The following RPS6KA2 variants were observed in gnomAD, a reference collection of about 807,000 sequenced individuals.
RPS6KA2 encodes ribosomal protein S6 kinase alpha-2.
In RPS6KA2, 42 loss-of-function variants were observed where a neutral mutation model predicts 91.8. The ratio of observed to expected loss-of-function variants is 0.46; its 90% confidence interval spans 0.36 to 0.59. RPS6KA2 has a LOEUF of 0.59. Ranked by LOEUF, RPS6KA2 falls within the 20% of genes least tolerant of loss-of-function variation. RPS6KA2 has a pLI of 0.00. For synonymous variants in RPS6KA2, 414 were observed against 393.6 expected (o/e 1.05, Z -0.61); for missense variants, 798 against 978.5 (o/e 0.82, Z 2.46).
intron 3 of RPS6KA2, among the ~76,000 whole-genome samples, chr6:166,517,455 GTTTTTTTTTTTTTTTT>G (rs71032809): frequency 9.5e-6 from 1 of 104,970 alleles, no homozygotes; most frequent in Non-Finnish European, 1.8e-5. Context: ...CTTTTGTTTT[GTTTTTTTTTTTTTTTT>G]TTTTTTTTTT....
chr6:166,750,241 G>A (rs754368818), intron 2 of RPS6KA2, among the ~76,000 whole-genome samples: 11 of 152,160 alleles, frequency 7.2e-5, no homozygotes, highest in East Asian at 1.9e-4. Context: ...GACATCGGGC[G>A]TGCTCCCCTC....
intron 2 of RPS6KA2, among the ~76,000 whole-genome samples, chr6:166,703,031 A>G (rs1206112908): frequency 1.3e-5 from 2 of 152,188 alleles, no homozygotes; most frequent in African/African-American, 4.8e-5. Flanking sequence ...TTGTCTAGAT[A>G]TGTTTTAAAA....
chr6:166,823,850 TC>T (rs1779964664), intron 2 of RPS6KA2, among the ~76,000 whole-genome samples: 1 of 152,126 alleles, frequency 6.6e-6, no homozygotes, highest in Non-Finnish European at 1.5e-5. Flanking sequence ...AGTTAAAAGG[TC>T]TTACGATACC....
intron 1 of RPS6KA2, among the ~76,000 whole-genome samples, chr6:166,617,803 C>G (rs3778376): frequency 8.5e-5 from 13 of 152,338 alleles, no homozygotes; most frequent in African/African-American, 3.1e-4. Flanking sequence ...TCGGGGGCAA[C>G]GGTCCCGCAA....
rs1426221652 is a variant in RPS6KA2 at position 166,783,830 on chromosome 6, A to G, written c.123+74370T>C. On this transcript the variant is annotated intron_variant, in intron 2 of 21. Transcript: ENST00000503859. ...CAGTTACCTGTAACCACATATGCAC[A>G]CGTGCACACCTATCTATACCACATA... is the stretch of plus-strand genomic sequence containing the variant. 1.4e-4 allele frequency among the ~76,000 whole-genome samples: 11 copies of G among 78,984 alleles called. 1 individual carries two copies. The highest frequency in any genetic ancestry group is 1.0e-3 in the East Asian group (2 of 1,910). The allele number at this position is 78,984 out of a possible 152,430, so 51.8% of individuals were successfully genotyped here.
chr6:166,561,277 T>G (rs908377792), intron 1 of RPS6KA2, among the ~76,000 whole-genome samples: 1 of 152,084 alleles, frequency 6.6e-6, no homozygotes, highest in African/African-American at 2.4e-5. Flanking sequence ...CTTCCCTCCA[T>G]CCTTGGAGGA....
intron 3 of RPS6KA2, among the ~76,000 whole-genome samples, chr6:166,526,545 G>A (rs1270548442): frequency 6.6e-6 from 1 of 151,714 alleles, no homozygotes; most frequent in Non-Finnish European, 1.5e-5. Flanking sequence ...GTAGAGATGG[G>A]GTCTTAACAT....
chr6:166,458,887 C>T (rs60925106), intron 12 of RPS6KA2, among the ~76,000 whole-genome samples: 5,435 of 152,252 alleles, frequency 0.036, 329 homozygotes, highest in African/African-American at 0.12. Flanking sequence ...TCATTAATAT[C>T]CCAAAAAGAT....
chr6:166,452,165 G>A (rs947115259), intron 12 of RPS6KA2, among the ~76,000 whole-genome samples: 2 of 152,126 alleles, frequency 1.3e-5, no homozygotes, highest in Non-Finnish European at 2.9e-5. Flanking sequence ...GGCTGGGGGT[G>A]GACACTTATA....
chr6:166,424,483 G>A (rs1011866030), intron 16 of RPS6KA2, among the ~76,000 whole-genome samples: 1 of 152,220 alleles, frequency 6.6e-6, no homozygotes, highest in African/African-American at 2.4e-5. Context: ...AGAAACACTG[G>A]GAAGAGATGG....
At chr6:166,475,251 A>G (rs1562520211) in intron 10 of RPS6KA2, among the ~76,000 whole-genome samples, 1 of 152,070 alleles carries the variant, frequency 6.6e-6, no homozygotes, top group Non-Finnish European at 1.5e-5. Context: ...CCACCAGAAC[A>G]ACAGTGCGAA....
At chr6:166,602,474 C>A (rs879916776) in intron 1 of RPS6KA2, among the ~76,000 whole-genome samples, 1 of 152,142 alleles carries the variant, frequency 6.6e-6, no homozygotes, top group Non-Finnish European at 1.5e-5. Context: ...AGCATCCAGC[C>A]CCAGGGCAAC....
At chr6:166,823,493 T>C (rs1455107005) in intron 2 of RPS6KA2, among the ~76,000 whole-genome samples, 1 of 151,212 alleles carries the variant, frequency 6.6e-6, no homozygotes, top group Non-Finnish European at 1.5e-5. Flanking sequence ...ACCTTATCTT[T>C]AGAGACACTT....
chr6:166,627,669 C>G (rs1009669423), upstream of RPS6KA2: 4 of 152,226 alleles, frequency 2.6e-5, no homozygotes, highest in African/African-American at 9.7e-5. Context: ...GCTCCCGGCC[C>G]GGGCGAGTTG....
intron 1 of RPS6KA2, among the ~76,000 whole-genome samples, chr6:166,591,381 C>A (rs116794065): frequency 0.012 from 1,788 of 152,298 alleles, 34 homozygotes; most frequent in African/African-American, 0.039. Context: ...GTGTGCCCCC[C>A]ACCCCTGAAA....
intron 1 of RPS6KA2, among the ~76,000 whole-genome samples, chr6:166,621,375 A>C (rs1198885235): frequency 6.6e-6 from 1 of 152,228 alleles, no homozygotes; most frequent in African/African-American, 2.4e-5. Flanking sequence ...TTAGCAGGCA[A>C]GGCTTCTCAC....
intron 2 of RPS6KA2, among the ~76,000 whole-genome samples, chr6:166,700,019 G>A (rs920478826): frequency 3.9e-5 from 6 of 152,208 alleles, no homozygotes; most frequent in Non-Finnish European, 8.8e-5. Flanking sequence ...TAAGCATCCT[G>A]TAAGACAAGC....
At chr6:166,568,363 C>T (rs1784566130) in intron 1 of RPS6KA2, among the ~76,000 whole-genome samples, 1 of 152,058 alleles carries the variant, frequency 6.6e-6, no homozygotes, top group African/African-American at 2.4e-5. Context: ...CCTATTATCC[C>T]AGCACTTTGG....
chr6:166,424,778 G>A (rs1399024320), intron 16 of RPS6KA2, among the ~76,000 whole-genome samples: 8 of 152,322 alleles, frequency 5.3e-5, no homozygotes, highest in South Asian at 2.1e-4. Flanking sequence ...GCGTCCCTGC[G>A]CTCCGGTTAA....
Sources: allele counts gnomAD v4.1 joint callset (sites outside exome capture counted in the v4.1 genomes callset), GRCh38; gene constraint gnomAD v4.1.1; transcripts MANE v1.5; gene names NCBI Gene and HGNC (gene_info 2026-07-23, HGNC 2026-07-21).